LIN7A: variants seen among roughly 807,000 people sequenced by gnomAD.
LIN7A encodes the protein lin-7 cell polarity scaffold A, also known as protein lin-7 homolog A.
In LIN7A, 25 loss-of-function variants were observed where a neutral mutation model predicts 29.8. The observed-to-expected ratio is 0.84, with a 90% CI of 0.61 to 1.17. The LOEUF (loss-of-function observed/expected upper bound fraction) is 1.17, where lower values mean the gene tolerates loss of function less well. LIN7A is among the 50% of genes most tolerant of loss of function. LIN7A has a pLI of 0.00. For missense variants in LIN7A, 239 were observed against 287.0 expected (o/e 0.83, Z 1.21); for synonymous variants, 118 against 107.5 (o/e 1.10, Z -0.60).
At chr12:80,837,392 C>T (rs181671675) in intron 4 of LIN7A, among the ~76,000 whole-genome samples, 2 of 152,056 alleles carry the variant, frequency 1.3e-5, no homozygotes, top group Non-Finnish European at 2.9e-5. Context: ...TAAGAACTCA[C>T]AAGTATCCTT....
intron 5 of LIN7A, among the ~76,000 whole-genome samples, chr12:80,809,686 T>G (rs1871196300): frequency 6.6e-6 from 1 of 152,196 alleles, no homozygotes; most frequent in East Asian, 1.9e-4. Context: ...AGGGATAAAA[T>G]GTGATAAGGG....
chr12:80,880,014 CTA>C (rs1479186612), intron 2 of LIN7A, among the ~76,000 whole-genome samples: 19 of 152,310 alleles, frequency 1.2e-4, no homozygotes, highest in African/African-American at 3.6e-4. Flanking sequence ...TTTATGTAGT[CTA>C]AGCAGAAATA....
chr12:80,920,579 G>A (rs1465063815), intron 1 of LIN7A, among the ~76,000 whole-genome samples: 10 of 152,138 alleles, frequency 6.6e-5, no homozygotes, highest in East Asian at 5.8e-4. Context: ...TCACATCAAC[G>A]TTAGATCATT....
At chr12:80,801,747 T>G (rs888054713) in intron 5 of LIN7A, among the ~76,000 whole-genome samples, 1 of 152,186 alleles carries the variant, frequency 6.6e-6, no homozygotes, top group African/African-American at 2.4e-5. Context: ...ATTTAACTCA[T>G]CATTCTGTGC....
rs55772850 is a variant in LIN7A at position 80,800,489 on chromosome 12, C to CAAAAA, written c.*1-2768_*1-2764dup. Among the ~76,000 whole-genome samples, 365 of 38,080 alleles carry CAAAAA rather than the reference C, an allele frequency of 9.6e-3. 59 individuals are homozygous for CAAAAA. Among genetic ancestry groups the CAAAAA allele is most frequent in the African/African-American group, 0.03 (336 of 11,158 alleles). 25.0% of individuals were successfully genotyped at this position (38,080 alleles called of 152,430 possible). A position where few individuals can be genotyped will look rare whatever the true frequency, so the allele number is the denominator to read the frequency against. ...GGGCAGCAAGAGTGAAACTCCGTCT[C>CAAAAA]AAAAAAAAAAAAAAAAAAAAAAAAA... On this transcript the variant is annotated intron_variant, in intron 5 of 5. Coordinates refer to ENST00000552864, the MANE Select transcript of LIN7A (RefSeq NM_004664.4).
chr12:80,932,556 T>C (rs1258147990), intron 1 of LIN7A, among the ~76,000 whole-genome samples: 1 of 152,256 alleles, frequency 6.6e-6, no homozygotes, highest in African/African-American at 2.4e-5. Context: ...ACTAATCATG[T>C]CATAAGGAAA....
rs182628657 is a variant in LIN7A, at chr12:80,905,428, T to C, written c.83-16059A>G. Among the ~76,000 whole-genome samples, 7 of 152,328 alleles carry C rather than the reference T, an allele frequency of 4.6e-5. No individual in the cohort carries two copies. In the East Asian group the frequency reaches 1.2e-3, roughly 25 times the overall value. On this transcript the variant is annotated intron_variant, in intron 1 of 5. Coordinates refer to ENST00000552864, the MANE Select transcript of LIN7A (RefSeq NM_004664.4). ...TCTCATTTTGGATTTTAATAGCATT[T>C]TTGGAGTTACATATGGTAAATCATC... is the stretch of plus-strand genomic sequence containing the variant.
chr12:80,847,254 C>A (rs935021938), intron 3 of LIN7A, among the ~76,000 whole-genome samples: 4 of 152,204 alleles, frequency 2.6e-5, no homozygotes, highest in African/African-American at 9.6e-5. Context: ...CTACACAATT[C>A]ACTTTCCCCT....
chr12:80,920,616 T>C (rs1031567118), intron 1 of LIN7A, among the ~76,000 whole-genome samples: 11 of 152,216 alleles, frequency 7.2e-5, no homozygotes, highest in African/African-American at 2.7e-4. Context: ...ATAAGCCAAT[T>C]GATTAGAGCT....
At chr12:80,800,489 C>CAAAAAAAAAAAAAAAA (rs55772850) in intron 5 of LIN7A, among the ~76,000 whole-genome samples, 4 of 38,080 alleles carry the variant, frequency 1.1e-4, no homozygotes, top group African/African-American at 3.6e-4. Context: ...AACTCCGTCT[C>CAAAAAAAAAAAAAAAA]AAAAAAAAAA....
chr12:80,907,055 C>G (rs1163685), intron 1 of LIN7A, among the ~76,000 whole-genome samples: 97,106 of 145,322 alleles, frequency 0.67, 36,868 homozygotes, highest in Non-Finnish European at 0.86. Flanking sequence ...AGTGCGTGCT[C>G]TGTGTGTGTG....
At chr12:80,828,119 T>A (rs998820064) in intron 4 of LIN7A, among the ~76,000 whole-genome samples, 1 of 152,214 alleles carries the variant, frequency 6.6e-6, no homozygotes, top group African/African-American at 2.4e-5. Flanking sequence ...AATTTATATC[T>A]TCATAAAACA....
intron 1 of LIN7A, among the ~76,000 whole-genome samples, chr12:80,889,957 C>T (rs1399085506): frequency 1.3e-5 from 2 of 152,112 alleles, no homozygotes; most frequent in Non-Finnish European, 1.5e-5. Context: ...GTCATCTCCC[C>T]TCTGTCCAAT....
intron 1 of LIN7A, among the ~76,000 whole-genome samples, chr12:80,934,285 AG>A (rs1413499454): frequency 1.3e-5 from 2 of 152,202 alleles, no homozygotes; most frequent in Non-Finnish European, 2.9e-5. Context: ...GGCTTATGAT[AG>A]GTACTCATTA....
intron 1 of LIN7A, among the ~76,000 whole-genome samples, chr12:80,889,715 T>A (rs1875526042): frequency 6.6e-6 from 1 of 152,142 alleles, no homozygotes; most frequent in Non-Finnish European, 1.5e-5. Context: ...CTGAGGTGCT[T>A]CCTTTCAGTT....
chr12:80,859,805 T>G (rs1873775406), intron 2 of LIN7A, among the ~76,000 whole-genome samples: 1 of 152,196 alleles, frequency 6.6e-6, no homozygotes, highest in South Asian at 2.1e-4. Context: ...TAAAATGATT[T>G]ATAATTCCAT....
intron 4 of LIN7A, among the ~76,000 whole-genome samples, chr12:80,812,260 T>C (rs1323970911): frequency 7.0e-6 from 1 of 142,476 alleles, no homozygotes; most frequent in African/African-American, 2.7e-5. Flanking sequence ...CTCAATCTCA[T>C]ACACTATGCT....
chr12:80,893,764 CTCTG>C (rs752999525), intron 1 of LIN7A, among the ~76,000 whole-genome samples: 7 of 152,180 alleles, frequency 4.6e-5, no homozygotes, highest in Admixed American at 1.3e-4. Context: ...CGCTTGCCCT[CTCTG>C]TCTGAGCAGA....
At chr12:80,807,743 A>G (rs991615525) in intron 5 of LIN7A, among the ~76,000 whole-genome samples, 3 of 152,200 alleles carry the variant, frequency 2.0e-5, no homozygotes, top group Admixed American at 1.3e-4. Context: ...TACATTTGGA[A>G]TGGATAACAG....
Sources: allele counts gnomAD v4.1 joint callset (sites outside exome capture counted in the v4.1 genomes callset), GRCh38; gene constraint gnomAD v4.1.1; transcripts MANE v1.5; gene names NCBI Gene and HGNC (gene_info 2026-07-23, HGNC 2026-07-21).